The following NT5M variants were observed in gnomAD, a reference collection of about 807,000 sequenced individuals.
The protein encoded by NT5M is 5',3'-nucleotidase, mitochondrial.
Under a neutral mutation model 22.2 loss-of-function variants are expected in NT5M, and 22 were observed. That is an observed-to-expected ratio of 0.99 (90% CI 0.71 to 1.41). The LOEUF (loss-of-function observed/expected upper bound fraction) is 1.41. Among genes scored for constraint, NT5M ranks in the 40% most tolerant of loss-of-function variants. NT5M has a pLI of 0.00. For synonymous variants in NT5M, 167 were observed against 133.0 expected (o/e 1.26, Z -1.76); for missense variants, 322 against 314.8 (o/e 1.02, Z -0.17).
At position 17,314,740 on chromosome 17, in the gene NT5M, C is replaced by T. The variant is rs115020547; in HGVS notation, c.368+8097C>T. Among the ~76,000 whole-genome samples, 502 of 152,312 alleles carry T rather than the reference C, an allele frequency of 3.3e-3. 7 individuals are homozygous for T. Among genetic ancestry groups the T allele is most frequent in the African/African-American group, 0.012 (479 of 41,566 alleles). On this transcript the variant is annotated intron_variant, in intron 2 of 4. Coordinates refer to ENST00000389022, the MANE Select transcript of NT5M (RefSeq NM_020201.4). ...TTTCCTGCCCCTTGGATGTGCCACACGTGTTTCTGGTCTTAGGACCTTTGT... is the reference window on the plus strand; with the variant it reads ...TTTCCTGCCCCTTGGATGTGCCACATGTGTTTCTGGTCTTAGGACCTTTGT...
chr17:17,342,725 C>T (rs1347564890), intron 3 of NT5M, among the ~76,000 whole-genome samples: 1 of 152,184 alleles, frequency 6.6e-6, no homozygotes, highest in Non-Finnish European at 1.5e-5. Context: ...AGCCAGCCGC[C>T]TTGTCAGTCG....
At chr17:17,330,381 T>C (rs77749441) in intron 3 of NT5M, among the ~76,000 whole-genome samples, 1 of 127,846 alleles carries the variant, frequency 7.8e-6, no homozygotes, top group Non-Finnish European at 1.8e-5. Context: ...AACGTAGACT[T>C]TTTTTTTTTT....
intron 1 of NT5M, among the ~76,000 whole-genome samples, chr17:17,304,183 C>T (rs940653576): frequency 1.3e-5 from 2 of 152,144 alleles, no homozygotes; most frequent in African/African-American, 2.4e-5. Flanking sequence ...GTCACATTCC[C>T]ACTTCTTTGT....
intron 3 of NT5M, among the ~76,000 whole-genome samples, chr17:17,343,084 T>A (rs1399686819): frequency 6.6e-6 from 1 of 152,150 alleles, no homozygotes. Flanking sequence ...CGATTTACAG[T>A]CCTGTGGGGA....
intron 2 of NT5M, among the ~76,000 whole-genome samples, chr17:17,322,208 G>C (rs1335977463): frequency 6.6e-6 from 1 of 152,142 alleles, no homozygotes; most frequent in Non-Finnish European, 1.5e-5. Context: ...TGAGTAGGAA[G>C]GGCTCTAGGG....
intron 2 of NT5M, among the ~76,000 whole-genome samples, chr17:17,314,040 C>CTTTTTTTTT (rs71281038): frequency 0.031 from 4,434 of 143,040 alleles, 246 homozygotes; most frequent in African/African-American, 0.099. Context: ...TGAATATATT[C>CTTTTTTTTT]TTTTTTTTTT....
chr17:17,330,250 A>G (rs1278782534), intron 3 of NT5M, among the ~76,000 whole-genome samples: 1 of 146,964 alleles, frequency 6.8e-6, no homozygotes, highest in African/African-American at 2.5e-5. Context: ...CAGTGAGCCG[A>G]GATGGTGCCA....
At chr17:17,315,537 A>T (rs751687675) in intron 2 of NT5M, among the ~76,000 whole-genome samples, 6 of 152,160 alleles carry the variant, frequency 3.9e-5, no homozygotes, top group Non-Finnish European at 8.8e-5. Context: ...CTGAAGAGTA[A>T]GAATGAATGG....
chr17:17,311,268 G>A (rs1417937988), intron 2 of NT5M, among the ~76,000 whole-genome samples: 1 of 151,856 alleles, frequency 6.6e-6, no homozygotes, highest in Non-Finnish European at 1.5e-5. Flanking sequence ...AACCTGGGAG[G>A]CGGAGCTTGC....
intron 2 of NT5M, among the ~76,000 whole-genome samples, chr17:17,308,634 T>C (rs1474540746): frequency 6.6e-6 from 1 of 151,700 alleles, no homozygotes; most frequent in African/African-American, 2.4e-5. Flanking sequence ...CCATTTGAAG[T>C]ATATAATCCA....
At chr17:17,339,866 A>G (rs1329522411) in intron 3 of NT5M, among the ~76,000 whole-genome samples, 1 of 152,146 alleles carries the variant, frequency 6.6e-6, no homozygotes, top group African/African-American at 2.4e-5. Context: ...TGTGTTGTTG[A>G]ATTCAATTTG....
chr17:17,318,435 C>T (rs1020242920), intron 2 of NT5M, among the ~76,000 whole-genome samples: 3 of 138,414 alleles, frequency 2.2e-5, no homozygotes, highest in South Asian at 2.3e-4. Flanking sequence ...GAGTCTAGAT[C>T]GTGCCACTGA....
intron 3 of NT5M, 130 bp from the exon 4 acceptor site, chr17:17,344,664 G>T: frequency 9.0e-7 from 1 of 1,107,032 alleles, no homozygotes; most frequent in Non-Finnish European, 1.3e-6. Context: ...GCTGGGCCTT[G>T]GTGTCAGGCC....
At chr17:17,319,706 G>T (rs2145362800) in intron 2 of NT5M, among the ~76,000 whole-genome samples, 1 of 152,334 alleles carries the variant, frequency 6.6e-6, no homozygotes, top group African/African-American at 2.4e-5. Flanking sequence ...GTTGCCTAGG[G>T]CCCCAGGGGC....
intron 3 of NT5M, among the ~76,000 whole-genome samples, chr17:17,330,867 C>T (rs7222555): frequency 0.45 from 67,369 of 151,168 alleles, 17,058 homozygotes; most frequent in East Asian, 0.88. Flanking sequence ...CTCAGCCTCC[C>T]GAGTAGCTGG....
intron 3 of NT5M, among the ~76,000 whole-genome samples, chr17:17,324,420 G>T (rs1039855857): frequency 6.6e-6 from 1 of 151,316 alleles, no homozygotes; most frequent in Non-Finnish European, 1.5e-5. Flanking sequence ...GGAGGTGGAG[G>T]TTGCAGTGAG....
At chr17:17,309,005 T>A (rs2048868397) in intron 2 of NT5M, among the ~76,000 whole-genome samples, 1 of 152,228 alleles carries the variant, frequency 6.6e-6, no homozygotes, top group African/African-American at 2.4e-5. Flanking sequence ...CATGTATTGA[T>A]CCATTTATCA....
rs997685178 is a variant in NT5M, at chr17:17,347,115, T to C, written c.*168T>C. ...CCAGCCCTGCCAGGCCTTAACCTGA[T>C]CACGGGGCAGGGCTGGGCCCTCTGG... On this transcript the variant is annotated 3_prime_UTR_variant, in exon 5 of 5. Coordinates refer to ENST00000389022, the MANE Select transcript of NT5M (RefSeq NM_020201.4). 1.1e-6 allele frequency: 1 copy of C among 897,986 alleles called. No homozygotes were observed. The highest frequency in any genetic ancestry group is 1.7e-5 in the African/African-American group (1 of 59,328). 55.6% of individuals were successfully genotyped at this position (897,986 alleles called of 1,614,324 possible). A position where few individuals can be genotyped will look rare whatever the true frequency, so the allele number is the denominator to read the frequency against.
intron 3 of NT5M, among the ~76,000 whole-genome samples, chr17:17,340,651 C>T (rs1297360223): frequency 1.3e-5 from 2 of 151,936 alleles, no homozygotes; most frequent in East Asian, 1.9e-4. Context: ...CTTAGCCTCT[C>T]GAGTAGCTGG....
Sources: gnomAD v4.1 joint callset for allele counts (sites outside exome capture counted in the v4.1 genomes callset) on GRCh38, gnomAD v4.1.1 for gene constraint, MANE v1.5 for transcripts, NCBI Gene and HGNC (gene_info 2026-07-23, HGNC 2026-07-21) for gene names.